The following CUL5 variants were observed in gnomAD, a reference collection of about 807,000 sequenced individuals.
CUL5 encodes the protein cullin-5.
CUL5 carries 26 observed loss-of-function variants against 108.8 expected under a neutral mutation model. The ratio of observed to expected loss-of-function variants is 0.24; its 90% CI spans 0.18 to 0.33. The LOEUF is 0.33. CUL5 is among the 10% of genes least tolerant of loss of function. The probability of loss-of-function intolerance (pLI) is 1.00; values close to 1 mark genes in which losing one functional copy is unlikely to be tolerated. For synonymous variants in CUL5, 334 were observed against 298.0 expected (o/e 1.12, Z -1.25); for missense variants, 524 against 909.2 (o/e 0.58, Z 5.45).
At chr11:108,039,543 C>G (rs1025437699) in intron 2 of CUL5, among the ~76,000 whole-genome samples, 10 of 152,186 alleles carry the variant, frequency 6.6e-5, no homozygotes, top group Admixed American at 5.2e-4. Flanking sequence ...TAATTATATT[C>G]ACAATGTTTT....
chr11:108,018,419 C>T (rs1862253682), intron 1 of CUL5, among the ~76,000 whole-genome samples: 1 of 152,062 alleles, frequency 6.6e-6, no homozygotes, highest in South Asian at 2.1e-4. Context: ...ATAATCCCAG[C>T]ACTTTGGGAG....
At chr11:108,074,040 T>G (rs1863889007) in intron 10 of CUL5, 1 of 152,204 alleles carries the variant, frequency 6.6e-6, no homozygotes, top group Admixed American at 6.5e-5. Flanking sequence ...TGTATCTTTT[T>G]TAGTGTAATA....
At chr11:108,091,693 A>ACT (rs1486796618) in intron 13 of CUL5, among the ~76,000 whole-genome samples, 1 of 119,858 alleles carries the variant, frequency 8.3e-6, no homozygotes, top group Non-Finnish European at 1.7e-5. Flanking sequence ...TGTCTCTCTC[A>ACT]CTCACACACA....
chr11:108,089,440 G>A (rs1205022167), intron 12 of CUL5, 52 bp from the exon 13 acceptor site: 45 of 1,382,584 alleles, frequency 3.3e-5, no homozygotes, highest in Non-Finnish European at 4.0e-5. Flanking sequence ...GTCTAAATTC[G>A]AGAGATGGTA....
At chr11:108,090,926 A>G (rs1864338088) in intron 13 of CUL5, among the ~76,000 whole-genome samples, 1 of 152,224 alleles carries the variant, frequency 6.6e-6, no homozygotes, top group African/African-American at 2.4e-5. Context: ...GACTTTTTAA[A>G]ACTATTGTCA....
At chr11:108,055,029 CAT>C in intron 7 of CUL5, 74 bp downstream of exon 7, 1 of 1,030,466 alleles carries the variant, frequency 9.7e-7, no homozygotes, top group Non-Finnish European at 1.4e-6. Context: ...AAATAAACAA[CAT>C]AAATAATATT....
chr11:108,093,670 CAAAT>C (rs1864413577), intron 13 of CUL5, among the ~76,000 whole-genome samples: 1 of 152,148 alleles, frequency 6.6e-6, no homozygotes, highest in Non-Finnish European at 1.5e-5. Context: ...ACTGAATAAA[CAAAT>C]GACTAATAGG....
intron 10 of CUL5, among the ~76,000 whole-genome samples, chr11:108,074,931 A>G (rs1347422638): frequency 1.3e-5 from 2 of 152,198 alleles, no homozygotes; most frequent in Non-Finnish European, 2.9e-5. Flanking sequence ...CTTCATAGGA[A>G]GCCAGATCAT....
intron 2 of CUL5, among the ~76,000 whole-genome samples, chr11:108,042,330 T>A (rs547324590): frequency 6.6e-6 from 1 of 150,578 alleles, no homozygotes; most frequent in African/African-American, 2.4e-5. Context: ...GCAATTCTCA[T>A]GCCTCAGCCT....
At chr11:108,097,325 A>C (rs1864526691) in intron 16 of CUL5, among the ~76,000 whole-genome samples, 1 of 152,186 alleles carries the variant, frequency 6.6e-6, no homozygotes. Context: ...CTGAAGTTCC[A>C]AAATTAATTA....
chr11:108,039,669 C>A (rs932587728), intron 2 of CUL5, among the ~76,000 whole-genome samples: 3 of 152,170 alleles, frequency 2.0e-5, no homozygotes, highest in African/African-American at 7.2e-5. Flanking sequence ...TAGTTTCCAT[C>A]TATGAATTTG....
chr11:108,074,736 G>GT (rs1863905964), intron 10 of CUL5, among the ~76,000 whole-genome samples: 1 of 152,092 alleles, frequency 6.6e-6, no homozygotes, highest in Non-Finnish European at 1.5e-5. Context: ...AACCCAGGAG[G>GT]TGGAGGTTGT....
chr11:108,067,881 AAG>A (rs1863725035), intron 7 of CUL5, among the ~76,000 whole-genome samples: 1 of 152,208 alleles, frequency 6.6e-6, no homozygotes, highest in African/African-American at 2.4e-5. Flanking sequence ...CTTGCAAGGA[AAG>A]AGTTTCTTAA....
At chr11:108,076,261 T>A (rs1291394465) in intron 10 of CUL5, among the ~76,000 whole-genome samples, 3 of 152,122 alleles carry the variant, frequency 2.0e-5, no homozygotes, top group Admixed American at 6.6e-5. Context: ...CTTGAACTCC[T>A]GGGCTCAAGC....
At chr11:108,098,592 A>G in intron 18 of CUL5, 63 bp downstream of exon 18, 1 of 1,073,502 alleles carries the variant, frequency 9.3e-7, no homozygotes, top group Non-Finnish European at 1.2e-6. Context: ...TTTTTTTTTT[A>G]AATTTTGAAA....
intron 1 of CUL5, among the ~76,000 whole-genome samples, chr11:108,032,992 G>T (rs971574765): frequency 1.8e-4 from 28 of 152,232 alleles, no homozygotes; most frequent in East Asian, 3.9e-4. Flanking sequence ...GTAAGCTTGG[G>T]GGATTCCCAA....
chr11:108,009,303 C>G lies in CUL5; in HGVS notation c.-46C>G. 6.2e-7 allele frequency: 1 copy of G among 1,610,426 alleles called. No homozygotes were observed. The highest frequency in any genetic ancestry group is 1.1e-5 in the South Asian group (1 of 90,608). On this transcript the variant is annotated 5_prime_UTR_variant, in exon 1 of 19. Transcript: ENST00000393094. ...CCTCCGGTCAAGGCCTGGCCGGGAG[C>G]GCCACGAATTCTCGCGTCGTCTCGC...
At chr11:108,058,348 A>G (rs1863450613) in intron 7 of CUL5, among the ~76,000 whole-genome samples, 1 of 131,590 alleles carries the variant, frequency 7.6e-6, no homozygotes, top group Non-Finnish European at 1.5e-5. Flanking sequence ...TCCCAGGTTC[A>G]TGTGATTCTC....
chr11:108,030,577 C>T (rs761119758), intron 1 of CUL5, among the ~76,000 whole-genome samples: 5 of 152,146 alleles, frequency 3.3e-5, no homozygotes, highest in African/African-American at 4.8e-5. Context: ...GCGGAGGTTG[C>T]GGTGAGCTGA....
Sources: gnomAD v4.1 joint callset for allele counts (sites outside exome capture counted in the v4.1 genomes callset) on GRCh38, gnomAD v4.1.1 for gene constraint, MANE v1.5 for transcripts, NCBI Gene and HGNC (gene_info 2026-07-23, HGNC 2026-07-21) for gene names.